The following SLIT3 variants were observed in gnomAD, a reference collection of about 807,000 sequenced individuals.
SLIT3 encodes the protein slit homolog 3 protein.
Under a neutral mutation model 184.0 loss-of-function variants are expected in SLIT3, and 68 were observed. The observed-to-expected ratio is 0.37, with a 90% CI of 0.30 to 0.45. The LOEUF is 0.45. Ranked by LOEUF, SLIT3 falls within the 20% of genes least tolerant of loss-of-function variation. The probability of loss-of-function intolerance (pLI) is 1.00; values close to 1 mark genes in which losing one functional copy is unlikely to be tolerated. For synonymous variants in SLIT3, 831 were observed against 828.6 expected, an observed-to-expected ratio of 1.00 and a Z score of -0.05; for missense variants, 1,707 against 2,026.0, an observed-to-expected ratio of 0.84 and a Z score of 3.02.
chr5:168,873,861 T>C (rs1759630629), intron 5 of SLIT3, among the ~76,000 whole-genome samples: 1 of 152,052 alleles, frequency 6.6e-6, no homozygotes, highest in African/African-American at 2.4e-5. Flanking sequence ...TATACTCACT[T>C]GGTCCCAATA....
intron 4 of SLIT3, among the ~76,000 whole-genome samples, chr5:169,050,923 C>G (rs1460024404): frequency 2.0e-5 from 3 of 152,200 alleles, no homozygotes; most frequent in African/African-American, 7.2e-5. Context: ...GATTCAGCAG[C>G]CTTCCAGCGC....
intron 5 of SLIT3, among the ~76,000 whole-genome samples, chr5:168,851,294 G>T (rs1297694140): frequency 6.7e-6 from 1 of 148,568 alleles, no homozygotes; most frequent in Non-Finnish European, 1.5e-5. Flanking sequence ...CTGCACTCGA[G>T]CCTGGGCGAC....
intron 20 of SLIT3, among the ~76,000 whole-genome samples, chr5:168,731,445 T>C (rs1763287869): frequency 6.6e-6 from 1 of 152,018 alleles, no homozygotes; most frequent in East Asian, 1.9e-4. Flanking sequence ...TCTCCCTTAC[T>C]CATTCTATGA....
chr5:169,103,105 ACTCCACAGGAATC>A (rs779977096), intron 4 of SLIT3, among the ~76,000 whole-genome samples: 7 of 152,118 alleles, frequency 4.6e-5, no homozygotes, highest in Non-Finnish European at 8.8e-5. Flanking sequence ...ACCCATTTAA[ACTCCACAGGAATC>A]CTATGAGATA....
chr5:168,671,239 T>C lies in SLIT3; in HGVS notation c.4086A>G (p.Pro1362=). Residue 1362 remains proline (P), a synonymous_variant, in exon 34 of 36, where the codon CCA becomes CCG. Transcript: ENST00000519560. ...GGTCCCGGGCCTCCTGATCGCAGAG[T>C]GGGCCGGTCCAGCCTGGGCGGCACT... is the stretch of plus-strand genomic sequence containing the variant. The part of the protein sequence containing the change: ...VCECRPGWTG[P]LCDQEARDPC... The C allele has an allele frequency of 6.2e-7, 1 of 1,612,094 alleles. No individual in the cohort carries two copies. The highest frequency in any genetic ancestry group is 8.5e-7 in the Non-Finnish European group (1 of 1,179,054).
rs1762991656 is a variant in SLIT3 at position 168,722,993 on chromosome 5, T to C, written c.2351A>G (p.Asn784Ser). Residue 784 changes from asparagine (N) to serine (S), a missense_variant, in exon 22 of 36, where the codon AAC (asparagine) becomes AGC (serine). By Grantham distance (46) the Asn-to-Ser change is conservative. This residue lies in a region of SLIT3 where 1,307 missense variants were observed against 1,511.6 expected (regional missense o/e 0.86). Transcript: ENST00000519560. ...LRHLTLIDLS[N>S]NSISMLTNYT... is the part of the protein sequence containing the mutation. The stretch of plus-strand genomic sequence containing the variant: ...ATTGGTCAGCATGCTGATGCTGTTG[T>C]TGCTCAGGTCACTAGGAAAAGTAAA... The C allele has an allele frequency of 6.2e-7, 1 of 1,613,740 alleles. No individual in the cohort carries two copies. The highest frequency in any genetic ancestry group is 8.5e-7 in the Non-Finnish European group (1 of 1,179,772).
intron 4 of SLIT3, chr5:168,995,534 C>T (rs909266348): frequency 1.3e-5 from 2 of 152,080 alleles, no homozygotes; most frequent in Non-Finnish European, 2.9e-5. Flanking sequence ...TAATTGTGTT[C>T]GTTGGTATGA....
chr5:169,143,522 G>A (rs955323133), intron 4 of SLIT3, among the ~76,000 whole-genome samples: 4 of 152,218 alleles, frequency 2.6e-5, no homozygotes, highest in Non-Finnish European at 5.9e-5. Context: ...GCATTGGCCG[G>A]GTGCAGTGGC....
chr5:169,011,744 G>C (rs190944564), intron 4 of SLIT3, among the ~76,000 whole-genome samples: 1 of 152,122 alleles, frequency 6.6e-6, no homozygotes. Context: ...AAAGTAACCC[G>C]ATGTTATTGT....
At chr5:168,854,809 C>T (rs758917753) in intron 5 of SLIT3, among the ~76,000 whole-genome samples, 8 of 152,068 alleles carry the variant, frequency 5.3e-5, no homozygotes, top group Non-Finnish European at 8.8e-5. Context: ...TGGCCATTAG[C>T]GAGGCATCAC....
chr5:168,878,163 C>T (rs915829467), intron 5 of SLIT3, among the ~76,000 whole-genome samples: 1 of 152,234 alleles, frequency 6.6e-6, no homozygotes, highest in African/African-American at 2.4e-5. Context: ...AACCGCCTGT[C>T]TCTCTTTAAA....
At chr5:169,200,451 T>C (rs995144441) in intron 3 of SLIT3, among the ~76,000 whole-genome samples, 2 of 152,174 alleles carry the variant, frequency 1.3e-5, no homozygotes, top group Non-Finnish European at 2.9e-5. Flanking sequence ...AGCAGCTTTG[T>C]TATCTAGTGC....
At chr5:169,195,446 C>T (rs1389027536) in intron 3 of SLIT3, among the ~76,000 whole-genome samples, 1 of 152,234 alleles carries the variant, frequency 6.6e-6, no homozygotes, top group Non-Finnish European at 1.5e-5. Flanking sequence ...CACGAGACTC[C>T]TGATGAGGAG....
chr5:169,197,284 C>T (rs888931501), intron 3 of SLIT3, among the ~76,000 whole-genome samples: 2 of 152,116 alleles, frequency 1.3e-5, no homozygotes, highest in South Asian at 4.1e-4. Context: ...CACTTAAGCT[C>T]GAGCAGGTCG....
rs139041731 is a variant in SLIT3 at position 168,708,084 on chromosome 5, G to A, written c.2736C>T (p.Asn912=). 2,939 of 1,614,208 alleles carry A rather than the reference G, an allele frequency of 1.8e-3. 8 individuals carry two copies. Among genetic ancestry groups the A allele is most frequent in the Non-Finnish European group, 2.1e-3 (2,501 of 1,180,032 alleles). Residue 912 remains asparagine (N), a synonymous_variant, in exon 26 of 36, where the codon AAC becomes AAT. Transcript: ENST00000519560. ...GGCAGGCATTGCATTTGGCCACAAT[G>A]TTGATGTCCACTGGCCCTGGGCAGC... ...RFQCKGPVDI[N]IVAKCNACLS...
chr5:168,962,153 G>A (rs1225513499), intron 4 of SLIT3, among the ~76,000 whole-genome samples: 1 of 152,126 alleles, frequency 6.6e-6, no homozygotes, highest in East Asian at 1.9e-4. Context: ...GGGGGTGGGA[G>A]TGGGCTTCAA....
chr5:169,219,267 G>A (rs891283012), intron 3 of SLIT3, among the ~76,000 whole-genome samples: 6 of 152,246 alleles, frequency 3.9e-5, no homozygotes, highest in African/African-American at 1.4e-4. Context: ...AGGTTCCAGT[G>A]TAACAGCAGC....
Position 169,111,708 on chromosome 5 carries a change from C to A in SLIT3, c.413+81771G>T, listed in dbSNP as rs547329723. On this transcript the variant is annotated intron_variant, in intron 4 of 35. Coordinates refer to ENST00000519560, the MANE Select transcript of SLIT3 (RefSeq NM_003062.4). ...TGGAGGTGGCAGTGGGCCAAGACTG[C>A]ACCATTGCATTTCAGCCTGGACAAC... is the stretch of plus-strand genomic sequence containing the variant. Among the ~76,000 whole-genome samples, 31 of 152,316 alleles carry A rather than the reference C, an allele frequency of 2.0e-4. 1 individual carries two copies. The South Asian group carries it at 6.2e-3, about 31-fold the overall frequency.
chr5:168,873,061 C>A (rs1759591297), intron 5 of SLIT3, among the ~76,000 whole-genome samples: 1 of 152,176 alleles, frequency 6.6e-6, no homozygotes, highest in South Asian at 2.1e-4. Context: ...GCTTTTCCAA[C>A]ACTCCCCATG....
Sources: gnomAD v4.1 joint callset for allele counts (sites outside exome capture counted in the v4.1 genomes callset) on GRCh38, gnomAD v4.1.1 for gene constraint, gnomAD v4.1.1 regional missense constraint, MANE v1.5 for transcripts, NCBI Gene and HGNC (gene_info 2026-07-23, HGNC 2026-07-21) for gene names.